Variants in GRK5 observed in about 807,000 individuals in gnomAD.
GRK5 encodes the protein G protein-coupled receptor kinase 5.
Under a neutral mutation model 78.4 loss-of-function variants are expected in GRK5, and 40 were observed. The observed-to-expected ratio is 0.51, with a 90% confidence interval of 0.40 to 0.66. The LOEUF (loss-of-function observed/expected upper bound fraction) is 0.66, where lower values mean the gene tolerates loss of function less well. Among genes scored for constraint, GRK5 ranks in the 30% least tolerant of loss-of-function variants. The pLI, the probability that GRK5 is intolerant of heterozygous loss-of-function variation, is 0.00. For missense variants in GRK5, 598 were observed against 759.9 expected, an observed-to-expected ratio of 0.79 and a Z score of 2.50; for synonymous variants, 289 against 296.8, an observed-to-expected ratio of 0.97 and a Z score of 0.27.
intron 3 of GRK5, among the ~76,000 whole-genome samples, chr10:119,386,902 C>A (rs1367766015): frequency 6.6e-6 from 1 of 152,236 alleles, no homozygotes; most frequent in Non-Finnish European, 1.5e-5. Flanking sequence ...CCACGCCATT[C>A]CCATCTCTCT....
rs1853133306 is a variant in GRK5, at chr10:119,445,735, C to T, written c.1266+1983C>T. ...TTGTCCCCTCCAGCTGGTGGCAGCTCAGGACACTGCAGAGCCTGACTTGCC... is the reference window on the plus strand; with the variant it reads ...TTGTCCCCTCCAGCTGGTGGCAGCTTAGGACACTGCAGAGCCTGACTTGCC... On this transcript the variant is annotated intron_variant, in intron 12 of 15. Coordinates refer to ENST00000392870, the MANE Select transcript of GRK5 (RefSeq NM_005308.3). This position sits in a 1 kb window ranked among gnomAD's most constrained non-coding sequence, Gnocchi z 4.1. Among the ~76,000 whole-genome samples, 1 of 152,116 alleles carries T rather than the reference C, an allele frequency of 6.6e-6. No homozygotes were observed. Among genetic ancestry groups the T allele is most frequent in the Non-Finnish European group, 1.5e-5 (1 of 68,018 alleles).
intron 1 of GRK5, among the ~76,000 whole-genome samples, chr10:119,265,468 T>C (rs1849479063): frequency 6.6e-6 from 1 of 152,102 alleles, no homozygotes; most frequent in African/African-American, 2.4e-5. Flanking sequence ...GCCTCCATGA[T>C]GGGATTAGTG....
intron 1 of GRK5, among the ~76,000 whole-genome samples, chr10:119,295,849 A>C (rs1173830699): frequency 6.6e-6 from 1 of 152,130 alleles, no homozygotes; most frequent in South Asian, 2.1e-4. Context: ...GGTGCAGCGT[A>C]TACTGCTTGG....
intron 1 of GRK5, among the ~76,000 whole-genome samples, chr10:119,293,964 G>A (rs1850031184): frequency 6.6e-6 from 1 of 152,084 alleles, no homozygotes. Context: ...CGGGGGTCTG[G>A]GAGCTGAGCA....
intron 3 of GRK5, among the ~76,000 whole-genome samples, chr10:119,383,338 A>G (rs77291540): frequency 0.02 from 3,016 of 152,304 alleles, 52 homozygotes; most frequent in Non-Finnish European, 0.033. Flanking sequence ...ATGTTCTTCC[A>G]TCAGGGGACA....
chr10:119,323,946 G>A (rs1850630505), intron 1 of GRK5, among the ~76,000 whole-genome samples: 1 of 151,980 alleles, frequency 6.6e-6, no homozygotes, highest in Admixed American at 6.6e-5. Context: ...TTCAATGTTG[G>A]CAACTGGTTC....
At position 119,457,847 on chromosome 10, in the gene GRK5, C is replaced by T. The variant is rs1306205552; in HGVS notation, c.*2780C>T. On this transcript the variant is annotated 3_prime_UTR_variant, in exon 16 of 16. Coordinates refer to ENST00000392870, the MANE Select transcript of GRK5 (RefSeq NM_005308.3). ...GACCATAGGCGTGCACCACCATACTCAGCTAATTTTTAAAATTTTTTGTAG... is the reference window on the plus strand; with the variant it reads ...GACCATAGGCGTGCACCACCATACTTAGCTAATTTTTAAAATTTTTTGTAG... 1 of 145,610 alleles carries T rather than the reference C, an allele frequency of 6.9e-6. No individual in the cohort carries two copies. Among genetic ancestry groups the T allele is most frequent in the Non-Finnish European group, 1.5e-5 (1 of 66,624 alleles). 9.0% of individuals were successfully genotyped at this position (145,610 alleles called of 1,614,324 possible). A position where few individuals can be genotyped will look rare whatever the true frequency, so the allele number is the denominator to read the frequency against.
chr10:119,290,370 A>AAAAC (rs1491498558), intron 1 of GRK5, among the ~76,000 whole-genome samples: 18 of 131,130 alleles, frequency 1.4e-4, no homozygotes, highest in African/African-American at 5.1e-4. Context: ...AAAACAAAAA[A>AAAAC]CAACTCTGTC....
intron 1 of GRK5, among the ~76,000 whole-genome samples, chr10:119,265,194 C>A (rs555503005): frequency 6.6e-6 from 1 of 152,292 alleles, no homozygotes; most frequent in South Asian, 2.1e-4. Context: ...GCTTTCTGTT[C>A]GTTAGTTTTT....
chr10:119,335,171 T>TCTCTCTCTCTCTCTCC (rs1564895394), intron 2 of GRK5, among the ~76,000 whole-genome samples: 4 of 126,968 alleles, frequency 3.2e-5, no homozygotes, highest in African/African-American at 6.7e-5. Context: ...TCTCTCTCTC[T>TCTCTCTCTCTCTCTCC]CTCTCCCCCT....
intron 1 of GRK5, among the ~76,000 whole-genome samples, chr10:119,226,197 C>G (rs1848735613): frequency 6.6e-6 from 1 of 151,650 alleles, no homozygotes; most frequent in South Asian, 2.1e-4. Context: ...CCAGTCTGGG[C>G]TCGAACTCCT....
intron 13 of GRK5, 126 bp downstream of exon 13, chr10:119,448,386 C>T (rs1187308927): frequency 6.8e-6 from 7 of 1,033,708 alleles, no homozygotes; most frequent in Non-Finnish European, 9.6e-6. Flanking sequence ...GGACCAGGGT[C>T]CCCTCCCGGC....
chr10:119,210,348 G>A (rs1242079723), intron 1 of GRK5, among the ~76,000 whole-genome samples: 1 of 152,198 alleles, frequency 6.6e-6, no homozygotes, highest in Non-Finnish European at 1.5e-5. Flanking sequence ...TCTCTCTTAT[G>A]CCTAGAGGAA....
intron 1 of GRK5, among the ~76,000 whole-genome samples, chr10:119,250,591 C>G (rs1849183731): frequency 6.6e-6 from 1 of 150,706 alleles, no homozygotes. Context: ...TCAAATGATC[C>G]TACTGCCTCG....
At chr10:119,236,439 C>T (rs1848931733) in intron 1 of GRK5, among the ~76,000 whole-genome samples, 2 of 152,278 alleles carry the variant, frequency 1.3e-5, no homozygotes, top group South Asian at 2.1e-4. Flanking sequence ...TGGTCTCGAT[C>T]TCCCGATCTC....
chr10:119,305,272 C>T (rs1397226888), intron 1 of GRK5, among the ~76,000 whole-genome samples: 9 of 152,108 alleles, frequency 5.9e-5, no homozygotes, highest in Non-Finnish European at 1.2e-4. Flanking sequence ...AACAAGGGGC[C>T]GGCAGAGGAC....
chr10:119,324,765 G>A (rs1767285388), intron 1 of GRK5, among the ~76,000 whole-genome samples: 3 of 152,274 alleles, frequency 2.0e-5, no homozygotes, highest in Admixed American at 2.0e-4. Context: ...AAATGTGTGT[G>A]CACTTGTGTG....
intron 1 of GRK5, among the ~76,000 whole-genome samples, chr10:119,247,577 TAAAAC>T (rs892123284): frequency 6.6e-6 from 1 of 152,242 alleles, no homozygotes; most frequent in African/African-American, 2.4e-5. Flanking sequence ...TAATAGCAAT[TAAAAC>T]AAAATCACTG....
intron 4 of GRK5, among the ~76,000 whole-genome samples, chr10:119,401,877 A>C (rs142481804): frequency 3.3e-5 from 5 of 152,256 alleles, no homozygotes; most frequent in East Asian, 3.9e-4. Context: ...CACAACAAAC[A>C]AACCCCCAAA....
Sources: gnomAD v4.1 joint callset for allele counts (sites outside exome capture counted in the v4.1 genomes callset) on GRCh38, gnomAD v4.1.1 for gene constraint, Gnocchi (gnomAD v3.1) non-coding constraint, MANE v1.5 for transcripts, NCBI Gene and HGNC (gene_info 2026-07-23, HGNC 2026-07-21) for gene names.